Variants in NTM observed in about 807,000 individuals in gnomAD.
The protein encoded by NTM is IgLON family member 2.
NTM carries 13 observed loss-of-function variants against 42.1 expected under a neutral mutation model. The ratio of observed to expected loss-of-function variants is 0.31; its 90% CI spans 0.20 to 0.49. NTM has a LOEUF of 0.49. Ranked by LOEUF, NTM falls within the 20% of genes least tolerant of loss-of-function variation. The pLI is 0.99. For synonymous variants in NTM, 187 were observed against 179.2 expected, an observed-to-expected ratio of 1.04 and a Z score of -0.35; for missense variants, 373 against 452.8, an observed-to-expected ratio of 0.82 and a Z score of 1.60.
chr11:132,310,999 G>A (rs1310951366), intron 6 of NTM, among the ~76,000 whole-genome samples: 3 of 152,204 alleles, frequency 2.0e-5, no homozygotes, highest in African/African-American at 7.2e-5. Context: ...TTGAAAAAGA[G>A]GTGGTGGTAT....
chr11:132,029,646 C>G (rs555902194), intron 2 of NTM, among the ~76,000 whole-genome samples: 1 of 151,992 alleles, frequency 6.6e-6, no homozygotes, highest in Non-Finnish European at 1.5e-5. Context: ...CCACATAGTC[C>G]ATCAGTCAAA....
At chr11:131,768,819 G>A (rs184556298) in intron 1 of NTM, among the ~76,000 whole-genome samples, 56 of 152,320 alleles carry the variant, frequency 3.7e-4, no homozygotes, top group African/African-American at 1.3e-3. Flanking sequence ...GCCACCAATA[G>A]CACCAGTAGA....
intron 1 of NTM, among the ~76,000 whole-genome samples, chr11:131,895,243 A>T (rs543871556): frequency 6.6e-6 from 1 of 152,146 alleles, no homozygotes; most frequent in African/African-American, 2.4e-5. Context: ...GCAGAAATGT[A>T]GGTCAGCCTC....
At chr11:132,256,250 T>C (rs553734772) in intron 4 of NTM, among the ~76,000 whole-genome samples, 46 of 152,354 alleles carry the variant, frequency 3.0e-4, no homozygotes, top group African/African-American at 1.1e-3. Flanking sequence ...TCCTCCCACG[T>C]GCAGCCCTTC....
intron 1 of NTM, among the ~76,000 whole-genome samples, chr11:131,688,506 A>G (rs915392386): frequency 6.6e-6 from 1 of 152,242 alleles, no homozygotes; most frequent in African/African-American, 2.4e-5. Flanking sequence ...AAAGGCGTTA[A>G]GAGTCGCGGC....
chr11:131,711,903 G>C (rs868589094), intron 1 of NTM, among the ~76,000 whole-genome samples: 2 of 144,954 alleles, frequency 1.4e-5, no homozygotes, highest in South Asian at 2.2e-4. Flanking sequence ...AACACCGCAT[G>C]TTCTCACTCA....
At chr11:131,602,028 T>A (rs969728188) in intron 1 of NTM, among the ~76,000 whole-genome samples, 4 of 152,216 alleles carry the variant, frequency 2.6e-5, no homozygotes, top group African/African-American at 9.6e-5. Flanking sequence ...GTAAAAATTA[T>A]GAATTAGGTT....
At chr11:131,926,769 TG>T (rs1025055890) in intron 2 of NTM, among the ~76,000 whole-genome samples, 3 of 152,344 alleles carry the variant, frequency 2.0e-5, no homozygotes, top group Middle Eastern at 3.4e-3. Flanking sequence ...TGTGGATTTG[TG>T]GCAACCCATA....
In NTM at chr11:131,867,481, G is replaced by A. The variant is rs564718425; in HGVS notation, c.83-44083G>A. Reference sequence around the variant, plus strand: ...TGTGTGTCTGTGTGTGTCTGAGTGTGTGTCTACCTGTTTATCTGTGAGCGT... The same window carrying A: ...TGTGTGTCTGTGTGTGTCTGAGTGTATGTCTACCTGTTTATCTGTGAGCGT... On this transcript the variant is annotated intron_variant, in intron 1 of 8. Coordinates refer to ENST00000683400, the MANE Select transcript of NTM (RefSeq NM_001352005.2). 3.3e-5 allele frequency among the ~76,000 whole-genome samples: 5 copies of A among 151,768 alleles called. No individual in the cohort carries two copies. The South Asian group carries it at 8.3e-4, about 25-fold the overall frequency.
intron 1 of NTM, among the ~76,000 whole-genome samples, chr11:131,901,403 A>T (rs763431277): frequency 2.2e-4 from 34 of 152,226 alleles, no homozygotes; most frequent in Non-Finnish European, 4.8e-4. Flanking sequence ...CACATATCCA[A>T]ATAACTTTCT....
chr11:132,090,384 T>C (rs2060241080), intron 2 of NTM, among the ~76,000 whole-genome samples: 1 of 152,122 alleles, frequency 6.6e-6, no homozygotes, highest in South Asian at 2.1e-4. Context: ...AATCTCCCTT[T>C]CTGCTCAGAC....
intron 1 of NTM, among the ~76,000 whole-genome samples, chr11:131,514,677 C>T (rs2048671772): frequency 6.6e-6 from 1 of 152,122 alleles, no homozygotes; most frequent in Non-Finnish European, 1.5e-5. Flanking sequence ...CTCCCAGGCT[C>T]AAGCAATCCT....
At chr11:131,486,851 C>T (rs1344430774) in intron 1 of NTM, among the ~76,000 whole-genome samples, 5 of 152,138 alleles carry the variant, frequency 3.3e-5, no homozygotes, top group Non-Finnish European at 7.4e-5. Flanking sequence ...TCCTGCCATC[C>T]CTCTTAGGAA....
At chr11:132,248,055 A>G (rs1026038250) in intron 4 of NTM, among the ~76,000 whole-genome samples, 1 of 152,178 alleles carries the variant, frequency 6.6e-6, no homozygotes, top group Non-Finnish European at 1.5e-5. Context: ...GAGAAAATGG[A>G]GAAATTAGGA....
At chr11:131,430,580 G>C (rs1948570865) in intron 1 of NTM, among the ~76,000 whole-genome samples, 1 of 152,342 alleles carries the variant, frequency 6.6e-6, no homozygotes, top group Non-Finnish European at 1.5e-5. Flanking sequence ...TGAGTGATGA[G>C]AGAGTGACAG....
chr11:131,605,699 T>C (rs1459508030), intron 1 of NTM: 1 of 684,700 alleles, frequency 1.5e-6, no homozygotes, highest in African/African-American at 1.9e-5. Context: ...TTTATCAGGG[T>C]GAGGACGTTT....
chr11:131,440,936 T>C (rs1022469143), intron 1 of NTM, among the ~76,000 whole-genome samples: 1 of 151,448 alleles, frequency 6.6e-6, no homozygotes, highest in Non-Finnish European at 1.5e-5. Context: ...CAGTTTTTGC[T>C]TTCCCTGCTT....
chr11:131,995,687 T>C (rs11607109), intron 2 of NTM, among the ~76,000 whole-genome samples: 50,863 of 151,874 alleles, frequency 0.33, 10,805 homozygotes, highest in African/African-American at 0.6. Context: ...GTCTAGGTCC[T>C]GTTGCTTGCT....
chr11:131,633,227 T>C (rs2063842594), intron 1 of NTM, among the ~76,000 whole-genome samples: 1 of 152,186 alleles, frequency 6.6e-6, no homozygotes, highest in Admixed American at 6.5e-5. Context: ...CATTTCATTT[T>C]GGAACACTGA....
Sources: gnomAD v4.1 joint callset for allele counts (sites outside exome capture counted in the v4.1 genomes callset) on GRCh38, gnomAD v4.1.1 for gene constraint, MANE v1.5 for transcripts, NCBI Gene and HGNC (gene_info 2026-07-23, HGNC 2026-07-21) for gene names.